CFAP54: variants seen among roughly 807,000 people sequenced by gnomAD.
The protein encoded by CFAP54 is cilia- and flagella-associated protein 54.
CFAP54 carries 290 observed loss-of-function variants against 370.4 expected under a neutral mutation model. That is an observed-to-expected ratio of 0.78 (90% CI 0.71 to 0.86). The LOEUF (loss-of-function observed/expected upper bound fraction) is 0.86. Ranked by LOEUF, CFAP54 falls within the 40% of genes least tolerant of loss-of-function variation. The pLI is 0.00. For missense variants in CFAP54, 3,399 were observed against 3,528.7 expected (o/e 0.96, Z 0.93); for synonymous variants, 1,206 against 1,236.5 (o/e 0.98, Z 0.52).
At chr12:96,605,862 G>C (rs1381694367) in intron 26 of CFAP54, among the ~76,000 whole-genome samples, 2 of 152,148 alleles carry the variant, frequency 1.3e-5, no homozygotes, top group Non-Finnish European at 2.9e-5. Context: ...ACTTAGGTAT[G>C]CTCTGAGCAA....
At chr12:96,589,194 A>G (rs1202991284) in intron 22 of CFAP54, among the ~76,000 whole-genome samples, 1 of 152,240 alleles carries the variant, frequency 6.6e-6, no homozygotes, top group Non-Finnish European at 1.5e-5. Context: ...TCAAATTTCC[A>G]TGCAATTTAG....
chr12:96,724,494 A>T (rs990275081), intron 50 of CFAP54, among the ~76,000 whole-genome samples: 5 of 152,166 alleles, frequency 3.3e-5, no homozygotes, highest in Non-Finnish European at 7.3e-5. Context: ...GTGTCTGTTC[A>T]TATCCTTTGC....
At chr12:96,526,087 T>G (rs1955377694) in intron 8 of CFAP54, among the ~76,000 whole-genome samples, 1 of 152,212 alleles carries the variant, frequency 6.6e-6, no homozygotes, top group African/African-American at 2.4e-5. Context: ...TCAAGGCAAC[T>G]TTATCCCTGC....
chr12:96,771,691 A>AC (rs1381413321), intron 60 of CFAP54, among the ~76,000 whole-genome samples: 1 of 151,882 alleles, frequency 6.6e-6, no homozygotes, highest in African/African-American at 2.4e-5. Context: ...ACAAAAAAAA[A>AC]CCCCACTTTA....
At chr12:96,816,039 G>A (rs1022887989) in intron 64 of CFAP54, among the ~76,000 whole-genome samples, 4 of 152,070 alleles carry the variant, frequency 2.6e-5, no homozygotes, top group Non-Finnish European at 4.4e-5. Context: ...TGTCTTGGCT[G>A]TATAGCTTCT....
chr12:96,826,657 A>C (rs1959110805), intron 65 of CFAP54, among the ~76,000 whole-genome samples: 1 of 108,256 alleles, frequency 9.2e-6, no homozygotes, highest in African/African-American at 3.8e-5. Flanking sequence ...TATTAAATAT[A>C]TTATATATAA....
chr12:96,579,538 C>A (rs1371386193), intron 20 of CFAP54, among the ~76,000 whole-genome samples: 2 of 152,110 alleles, frequency 1.3e-5, no homozygotes, highest in Non-Finnish European at 2.9e-5. Context: ...AGCTGTAAGA[C>A]GTAGTTGTAT....
chr12:96,728,113 C>T (rs1385691590), intron 50 of CFAP54, among the ~76,000 whole-genome samples: 12 of 152,076 alleles, frequency 7.9e-5, no homozygotes, highest in Non-Finnish European at 1.6e-4. Context: ...CTTAACATTT[C>T]TCCCTTCATT....
chr12:96,538,652 A>G, intron 13 of CFAP54, 134 bp downstream of exon 13: 1 of 824,354 alleles, frequency 1.2e-6, no homozygotes, highest in Non-Finnish European at 1.8e-6. Context: ...ACATATATAA[A>G]GAAGATATTC....
chr12:96,706,190 T>C (rs1957545917), intron 47 of CFAP54, among the ~76,000 whole-genome samples: 1 of 152,094 alleles, frequency 6.6e-6, no homozygotes, highest in Non-Finnish European at 1.5e-5. Context: ...TAAAGCATGA[T>C]ATATAAGTAA....
intron 17 of CFAP54, among the ~76,000 whole-genome samples, chr12:96,558,461 G>A (rs913824585): frequency 6.6e-5 from 10 of 152,068 alleles, no homozygotes; most frequent in Non-Finnish European, 1.5e-4. Flanking sequence ...CAACTTTACT[G>A]GAGGAATCAC....
chr12:96,717,204 T>C (rs1957693151), intron 48 of CFAP54, among the ~76,000 whole-genome samples: 1 of 152,190 alleles, frequency 6.6e-6, no homozygotes, highest in Non-Finnish European at 1.5e-5. Context: ...ATTCCAGGCT[T>C]CTTTTGTACC....
At chr12:96,703,363 T>C (rs1381262569) in intron 46 of CFAP54, among the ~76,000 whole-genome samples, 1 of 152,164 alleles carries the variant, frequency 6.6e-6, no homozygotes, top group African/African-American at 2.4e-5. Context: ...TCTGCACTTC[T>C]AGCCTCTCCT....
chr12:96,652,192 T>G (rs1422940916), intron 36 of CFAP54, among the ~76,000 whole-genome samples: 3 of 152,352 alleles, frequency 2.0e-5, no homozygotes, highest in East Asian at 3.9e-4. Flanking sequence ...TTCTCTGTCC[T>G]GTTCTATTAT....
intron 45 of CFAP54, among the ~76,000 whole-genome samples, chr12:96,694,481 T>G (rs1452834575): frequency 6.6e-6 from 1 of 151,990 alleles, no homozygotes; most frequent in Non-Finnish European, 1.5e-5. Flanking sequence ...CTCTATTTTA[T>G]ATCTTACGCA....
intron 26 of CFAP54, among the ~76,000 whole-genome samples, chr12:96,621,385 C>T (rs559291543): frequency 6.6e-6 from 1 of 152,246 alleles, no homozygotes; most frequent in East Asian, 1.9e-4. Context: ...TAGTCCTTTA[C>T]TTAAAATAGT....
intron 32 of CFAP54, among the ~76,000 whole-genome samples, chr12:96,635,617 G>C (rs1401251315): frequency 6.6e-6 from 1 of 152,142 alleles, no homozygotes; most frequent in Non-Finnish European, 1.5e-5. Context: ...ACAAGTTAAA[G>C]GGCTTGGTTC....
chr12:96,615,443 T>G (rs1352849136), intron 26 of CFAP54, among the ~76,000 whole-genome samples: 1 of 152,166 alleles, frequency 6.6e-6, no homozygotes, highest in Admixed American at 6.5e-5. Context: ...ATTCAGGACA[T>G]AGGCATGGGC....
rs772547155 is a variant in CFAP54, at chr12:96,744,018, A to C, written c.7558-2A>C. 1.2e-6 allele frequency: 2 copies of C among 1,605,804 alleles called. No individual in the cohort carries two copies. Among genetic ancestry groups the C allele is most frequent in the Non-Finnish European group, 1.7e-6 (2 of 1,177,802 alleles). On this transcript the variant is annotated splice_acceptor_variant, in intron 54 of 67. Coordinates refer to ENST00000524981, the MANE Select transcript of CFAP54 (RefSeq NM_001306084.2). LOFTEE classifies it high-confidence loss of function. Reference sequence around the variant, plus strand: ...TCATTACAATATTTGTTTTTTTAATAGATGCTAGCTTTTGGAGAAACAATT... The same window carrying C: ...TCATTACAATATTTGTTTTTTTAATCGATGCTAGCTTTTGGAGAAACAATT...
Sources: gnomAD v4.1 joint callset for allele counts (sites outside exome capture counted in the v4.1 genomes callset) on GRCh38, gnomAD v4.1.1 for gene constraint, MANE v1.5 for transcripts, NCBI Gene and HGNC (gene_info 2026-07-23, HGNC 2026-07-21) for gene names.